GRIN2C: variants seen among roughly 807,000 people sequenced by gnomAD.
The protein encoded by GRIN2C is glutamate receptor ionotropic, NMDA 2C.
GRIN2C carries 64 observed loss-of-function variants against 77.7 expected under a neutral mutation model. The ratio of observed to expected loss-of-function variants is 0.82; its 90% CI spans 0.67 to 1.01. The LOEUF (loss-of-function observed/expected upper bound fraction) is 1.01. Ranked by LOEUF, GRIN2C falls within the 50% of genes least tolerant of loss-of-function variation. The probability of loss-of-function intolerance (pLI) is 0.00; values close to 1 mark genes in which losing one functional copy is unlikely to be tolerated. For missense variants in GRIN2C, 1,549 were observed against 1,486.0 expected (o/e 1.04, Z -0.70); for synonymous variants, 792 against 643.4 (o/e 1.23, Z -3.49).
chr17:74,842,912 C>A lies in GRIN2C; in HGVS notation c.3225G>T (p.Ser1075=). The change falls in exon 13 of 13, where the codon TCG becomes TCT. Residue 1075 remains serine, a synonymous_variant. Coordinates refer to ENST00000293190, the MANE Select transcript of GRIN2C (RefSeq NM_000835.6). Reference sequence around the variant, plus strand: ...TGGGCAGGGAAGCGTGACGCGGGCGCGAGCCCCGGGCCCAGGCCGCGTGCA... The same window carrying A: ...TGGGCAGGGAAGCGTGACGCGGGCGAGAGCCCCGGGCCCAGGCCGCGTGCA... The part of the protein sequence containing the change: ...ALLHAAWARG[S]RPRHASLPSS... 1 of 570,852 alleles carries A rather than the reference C, an allele frequency of 1.8e-6. No individual in the cohort carries two copies. The allele number at this position is 570,852 out of a possible 1,614,324, so 35.4% of individuals were successfully genotyped here. A position where few individuals can be genotyped will look rare whatever the true frequency, so the allele number is the denominator to read the frequency against.
chr17:74,851,886 G>T, intron 3 of GRIN2C, 127 bp downstream of exon 3: 1 of 731,696 alleles, frequency 1.4e-6, no homozygotes, highest in Non-Finnish European at 2.2e-6. Flanking sequence ...GCCCAGACAG[G>T]TGGGGTAATG....
chr17:74,855,245 CGG>C, intron 1 of GRIN2C, 138 bp from the exon 2 acceptor site: 8 of 648,786 alleles, frequency 1.2e-5, no homozygotes, highest in South Asian at 4.7e-5. Flanking sequence ...CGAAGAGAGG[CGG>C]AGAGAGAGGG....
chr17:74,855,196 T>G, intron 1 of GRIN2C, 89 bp from the exon 2 acceptor site: 1 of 1,057,208 alleles, frequency 9.5e-7, no homozygotes, highest in Non-Finnish European at 1.3e-6. Context: ...GGGACACACA[T>G]ACGGAAGATG....
In GRIN2C at chr17:74,846,016, CCTTGGGCTCCACAGCCCA is replaced by C. The variant is rs771499034; in HGVS notation, c.2350+32_2350+49del. 1 of 1,535,724 alleles carries C rather than the reference CCTTGGGCTCCACAGCCCA, an allele frequency of 6.5e-7. No homozygotes were observed. The highest frequency in any genetic ancestry group is 9.0e-7 in the Non-Finnish European group (1 of 1,111,052). On this transcript the variant is annotated intron_variant, in intron 11 of 12. Transcript: ENST00000293190. This position sits in a 1 kb window ranked among gnomAD's most constrained non-coding sequence, Gnocchi z 4.4. ...TGAGTGGTGGTGGAAATGCTGACAA[CCTTGGGCTCCACAGCCCA>C]CCCTGGGCATCCCAGCAATGGCAGT...
At chr17:74,843,867 A>C (rs937990569) in intron 12 of GRIN2C, among the ~76,000 whole-genome samples, 1 of 143,914 alleles carries the variant, frequency 6.9e-6, no homozygotes. Context: ...ACTTCTCAGG[A>C]CGTTGGCTTT....
intron 3 of GRIN2C, 42 bp downstream of exon 3, chr17:74,851,971 G>A (rs1339336167): frequency 9.9e-6 from 14 of 1,419,652 alleles, no homozygotes; most frequent in Non-Finnish European, 1.3e-5. Flanking sequence ...CCCCCGAAGC[G>A]CTCCCCACCT....
At chr17:74,844,629 C>G (rs918019818) in intron 11 of GRIN2C, 121 bp from the exon 12 acceptor site, 32 of 1,463,262 alleles carry the variant, frequency 2.2e-5, no homozygotes, top group Middle Eastern at 2.3e-4. Context: ...CCACTTCTTC[C>G]TCAAGCAGAC....
rs374432441 is a variant in GRIN2C at position 74,842,804 on chromosome 17, G to C, written c.3333C>G (p.His1111Gln). 4.7e-4 allele frequency: 289 copies of C among 619,024 alleles called. 4 individuals carry two copies. The highest frequency in any genetic ancestry group is 4.2e-3 in the African/African-American group (218 of 51,464). The allele number at this position is 619,024 out of a possible 1,614,324, so 38.3% of individuals were successfully genotyped here. A position where few individuals can be genotyped will look rare whatever the true frequency, so the allele number is the denominator to read the frequency against. The change falls in exon 13 of 13, where the codon CAC becomes CAG. Residue 1111 changes from histidine (H) to glutamine (Q), a missense_variant. This residue lies in a region of GRIN2C where 450 missense variants were observed against 267.9 expected (regional missense o/e 1.68). Transcript: ENST00000293190. ...TGPACARPDG[H>Q]SACRRLAQAQ... ...CCTGCGCCAAGCGCCTGCAGGCCGA[G>C]TGGCCGTCGGGGCGGGCGCAGGCGG... is the stretch of plus-strand genomic sequence containing the variant.
rs779607016 is a variant in GRIN2C at position 74,847,335 on chromosome 17, G to A, written c.1974C>T (p.Asp658=). The A allele has an allele frequency of 1.3e-6, 2 of 1,599,218 alleles. No individual in the cohort carries two copies. Among genetic ancestry groups the A allele is most frequent in the South Asian group, 1.1e-5 (1 of 90,890 alleles). The change falls in exon 9 of 13, where the codon GAC becomes GAT. Residue 658 remains aspartate (D), a synonymous_variant. Coordinates refer to ENST00000293190, the MANE Select transcript of GRIN2C (RefSeq NM_000835.6). This position sits in a 1 kb window ranked among gnomAD's most constrained non-coding sequence, Gnocchi z 5.2. ...TCTTGTCACTGAGGCCCGACACAGT[G>A]TCGATGTATTGCTCTTGGATCATGA... ...AAFMIQEQYI[D]TVSGLSDKKF...
chr17:74,846,498 T>C lies in GRIN2C; in HGVS notation c.2163-245A>G, dbSNP rs1235932954. On this transcript the variant is annotated intron_variant, in intron 10 of 12. Coordinates refer to ENST00000293190, the MANE Select transcript of GRIN2C (RefSeq NM_000835.6). The surrounding 1 kb of genome is among the most constrained non-coding windows in gnomAD (Gnocchi z 4.4). ...CACACCACCCTTTCTGCCCACCCTC[T>C]CCGTGCTCCTAAGACTCAGAGAAGG... Among the ~76,000 whole-genome samples the C allele has an allele frequency of 6.6e-6, 1 of 152,150 alleles. No individual in the cohort carries two copies. Among genetic ancestry groups the C allele is most frequent in the Non-Finnish European group, 1.5e-5 (1 of 68,024 alleles).
chr17:74,855,931 C>T (rs577190892), intron 1 of GRIN2C, among the ~76,000 whole-genome samples: 1 of 152,380 alleles, frequency 6.6e-6, no homozygotes, highest in Non-Finnish European at 1.5e-5. Flanking sequence ...TGCAACAGCA[C>T]TGACTTGTTC....
Position 74,849,715 on chromosome 17 carries a change from C to T in GRIN2C, c.1645+65G>A, listed in dbSNP as rs2037571485. The T allele has an allele frequency of 1.4e-6, 2 of 1,481,040 alleles. No homozygotes were observed. The highest frequency in any genetic ancestry group is 4.6e-5 in the East Asian group (2 of 43,572). The allele number at this position is 1,481,040 out of a possible 1,614,324, so 91.7% of individuals were successfully genotyped here. On this transcript the variant is annotated intron_variant, in intron 7 of 12. Transcript: ENST00000293190. This position sits in a 1 kb window ranked among gnomAD's most constrained non-coding sequence, Gnocchi z 4.6. ...ACCCAACTCCCCATCCCCACCCAAGCTGTACACACCCTCCTCGTGGGCCCC... is the reference window on the plus strand; with the variant it reads ...ACCCAACTCCCCATCCCCACCCAAGTTGTACACACCCTCCTCGTGGGCCCC...
In GRIN2C at chr17:74,851,611, A is replaced by T. The variant is rs1395986131; in HGVS notation, c.1079T>A (p.Val360Glu). 6.4e-7 allele frequency: 1 copy of T among 1,565,948 alleles called. No individual in the cohort carries two copies. The highest frequency in any genetic ancestry group is 1.4e-5 in the African/African-American group (1 of 74,052). ...GAGGCGGTGCCGGTTGAGGGCGATC[A>T]CCACCATGGTGGGCTGGACCAGGTA... ...GGYLVQPTMVVIALNRHRLWE... is the reference protein window; with the variant it reads ...GGYLVQPTMVEIALNRHRLWE... Residue 360 changes from valine to glutamate, a missense_variant, in exon 4 of 13, where the codon GTG becomes GAG. Val to Glu is a moderately radical substitution (Grantham distance 121). This residue lies in a region of GRIN2C where 717 missense variants were observed against 858.1 expected (regional missense o/e 0.84). Transcript: ENST00000293190.
In GRIN2C at chr17:74,842,783, C is replaced by A. The variant is rs980440970; in HGVS notation, c.3354G>T (p.Ala1118=). Residue 1118 remains alanine, a synonymous_variant, in exon 13 of 13, where the codon GCG becomes GCT. Transcript: ENST00000293190. ...PDGHSACRRL[A]QAQSMCLPIY... is the part of the protein sequence containing the mutation. ...TCGGCAAGCACATCGACTGCGCCTGCGCCAAGCGCCTGCAGGCCGAGTGGC... is the reference window on the plus strand; with the variant it reads ...TCGGCAAGCACATCGACTGCGCCTGAGCCAAGCGCCTGCAGGCCGAGTGGC... 23 of 656,466 alleles carry A rather than the reference C, an allele frequency of 3.5e-5. No individual in the cohort carries two copies. The highest frequency in any genetic ancestry group is 5.6e-5 in the African/African-American group (3 of 53,884). The allele number at this position is 656,466 out of a possible 1,614,324, so 40.7% of individuals were successfully genotyped here.
intron 1 of GRIN2C, among the ~76,000 whole-genome samples, chr17:74,857,673 C>A (rs1217668828): frequency 6.6e-6 from 1 of 152,182 alleles, no homozygotes; most frequent in African/African-American, 2.4e-5. Flanking sequence ...CTCTGGGGAG[C>A]CCCAAACCTC....
At chr17:74,860,432 A>C (rs1367503734), upstream of GRIN2C, 1 of 456,588 alleles carries the variant, frequency 2.2e-6, no homozygotes, top group Non-Finnish European at 4.4e-6. Context: ...CCTGGCGGGA[A>C]TTCCCGTCTT....
At chr17:74,851,956 C>A in intron 3 of GRIN2C, 57 bp downstream of exon 3, 1 of 1,346,290 alleles carries the variant, frequency 7.4e-7, no homozygotes, top group Non-Finnish European at 1.0e-6. Context: ...CACTGCCAGC[C>A]AGCTCCCCCG....
rs1426542914 is a variant in GRIN2C at position 74,844,483 on chromosome 17, C to T, written c.2376G>A (p.Val792=). The T allele has an allele frequency of 5.0e-6, 8 of 1,614,078 alleles. No individual in the cohort carries two copies. The highest frequency in any genetic ancestry group is 6.8e-6 in the Non-Finnish European group (8 of 1,180,024). Reference sequence around the variant, plus strand: ...CATTCTGGCAGATCCCTGAGAGCCACACTGTCTCCAGTTTCTGTGTCTCTC... The same window carrying T: ...CATTCTGGCAGATCCCTGAGAGCCATACTGTCTCCAGTTTCTGTGTCTCTC... ...GDGETQKLET[V]WLSGICQNEK... is the part of the protein sequence containing the mutation. The change falls in exon 12 of 13, where the codon GTG becomes GTA. Residue 792 remains valine (V), a synonymous_variant. Transcript: ENST00000293190.
In GRIN2C at chr17:74,850,147, G is replaced by T. The variant is rs541533846; in HGVS notation, c.1491+59C>A. 2,002 of 1,574,212 alleles carry T rather than the reference G, an allele frequency of 1.3e-3. 28 individuals are homozygous for T. The South Asian group carries it at 0.016, about 13-fold the overall frequency. ...CTAGAGGGCATCTGAGAGCCACATG[G>T]GGCCTGGGCAGCAGGTGGGCAGGCA... On this transcript the variant is annotated intron_variant, in intron 6 of 12. Coordinates refer to ENST00000293190, the MANE Select transcript of GRIN2C (RefSeq NM_000835.6). The surrounding 1 kb of genome is among the most constrained non-coding windows in gnomAD (Gnocchi z 5.3).
Sources: allele counts gnomAD v4.1 joint callset (sites outside exome capture counted in the v4.1 genomes callset), GRCh38; gene constraint gnomAD v4.1.1; regional missense constraint gnomAD v4.1.1; non-coding constraint Gnocchi (gnomAD v3.1); transcripts MANE v1.5; gene names NCBI Gene and HGNC (gene_info 2026-07-23, HGNC 2026-07-21).